Variants in CCDC18 observed in about 807,000 individuals in gnomAD.
CCDC18 encodes the protein coiled-coil domain containing 18, also known as coiled-coil domain-containing protein 18.
Under a neutral mutation model 196.0 loss-of-function variants are expected in CCDC18, and 157 were observed. The observed-to-expected ratio is 0.80, with a 90% CI of 0.70 to 0.91. The LOEUF (loss-of-function observed/expected upper bound fraction) is 0.91, where lower values mean the gene tolerates loss of function less well. Ranked by LOEUF, CCDC18 falls within the 40% of genes least tolerant of loss-of-function variation. The pLI is 0.00. For synonymous variants in CCDC18, 482 were observed against 529.2 expected (o/e 0.91, Z 1.22); for missense variants, 1,465 against 1,611.6 (o/e 0.91, Z 1.56).
At chr1:93,236,433 C>A in intron 19 of CCDC18, 43 bp downstream of exon 19, 1 of 1,549,016 alleles carries the variant, frequency 6.5e-7, no homozygotes. Flanking sequence ...ACTTCAATAT[C>A]AGTGGTATCT....
upstream of CCDC18, chr1:93,180,071 G>A: frequency 6.2e-7 from 1 of 1,613,254 alleles, no homozygotes. Flanking sequence ...TCGATCTCCA[G>A]CGAGGCCTTC....
intron 4 of CCDC18, among the ~76,000 whole-genome samples, chr1:93,187,552 A>G (rs1650934518): frequency 6.6e-6 from 1 of 152,096 alleles, no homozygotes. Context: ...TGAGGCTTTC[A>G]CTATTTACTT....
rs143993656 is a variant in CCDC18 at position 93,209,954 on chromosome 1, G to A, written c.1210-848G>A. ...CGCATGCCTGTGGTCCTAGCTACTC[G>A]AGAAGCTGAGGTAGGAGGATTGCTT... On this transcript the variant is annotated intron_variant, in intron 9 of 28. Transcript: ENST00000690025. 1.3e-4 allele frequency among the ~76,000 whole-genome samples: 20 copies of A among 152,212 alleles called. No individual in the cohort carries two copies. The East Asian group carries it at 2.1e-3, about 16-fold the overall frequency.
Position 93,239,703 on chromosome 1 carries a change from C to A in CCDC18, c.2788C>A (p.Gln930Lys). 1 of 1,611,834 alleles carries A rather than the reference C, an allele frequency of 6.2e-7. No homozygotes were observed. The highest frequency in any genetic ancestry group is 8.5e-7 in the Non-Finnish European group (1 of 1,178,620). The change falls in exon 21 of 29, where the codon CAG (glutamine) becomes AAG (lysine). Residue 930 changes from glutamine (Q) to lysine (K), a missense_variant. Coordinates refer to ENST00000690025, the MANE Select transcript of CCDC18 (RefSeq NM_001378204.1). ...AATAGTAAAGGAGTTAGAAAAGTTA[C>A]AGCACAGTACTGAAACTGAACTAAC... ...TNAVKELEKL[Q>K]HSTETELTEA... is the part of the protein sequence containing the mutation.
Position 93,197,185 on chromosome 1 carries a change from G to A in CCDC18, c.698+3441G>A, listed in dbSNP as rs566159860. Among the ~76,000 whole-genome samples the A allele has an allele frequency of 3.3e-5, 5 of 152,116 alleles. No individual in the cohort carries two copies. In the South Asian group the frequency reaches 6.2e-4, roughly 19 times the overall value. On this transcript the variant is annotated intron_variant, in intron 6 of 28. Coordinates refer to ENST00000690025, the MANE Select transcript of CCDC18 (RefSeq NM_001378204.1). ...AGAAGTAAGGAAATAATAAAGATAA[G>A]GATGAAATGGATGAATAGAAAACAG...
intron 17 of CCDC18, among the ~76,000 whole-genome samples, chr1:93,226,831 G>A (rs1304984162): frequency 6.6e-6 from 1 of 151,992 alleles, no homozygotes. Context: ...ACTGTGCCTG[G>A]CCAAAATAAT....
chr1:93,235,965 C>A (rs1259916880), intron 18 of CCDC18, among the ~76,000 whole-genome samples: 4 of 152,006 alleles, frequency 2.6e-5, no homozygotes, highest in Non-Finnish European at 4.4e-5. Context: ...GAAGAAAGGG[C>A]ATTTCAAATG....
chr1:93,192,908 A>AT (rs1408458529), intron 5 of CCDC18, among the ~76,000 whole-genome samples: 4 of 152,220 alleles, frequency 2.6e-5, no homozygotes, highest in African/African-American at 9.6e-5. Flanking sequence ...TATCTCTGGC[A>AT]TACTGAACCA....
intron 27 of CCDC18, among the ~76,000 whole-genome samples, chr1:93,265,347 T>G (rs1381803765): frequency 6.6e-6 from 1 of 152,208 alleles, no homozygotes; most frequent in African/African-American, 2.4e-5. Flanking sequence ...ATATTATGGC[T>G]CACTACAATT....
Position 93,205,609 on chromosome 1 carries a change from G to A in CCDC18, c.895G>A (p.Glu299Lys). Reference protein sequence around the residue: ...ERCGLYKSELEILKEKLRQLK... With the variant: ...ERCGLYKSELKILKEKLRQLK... ...GTGTGGTCTATATAAAAGTGAACTT[G>A]AAATTCTGAAAGAGAAATTAAGGTA... Residue 299 changes from glutamate (E) to lysine (K), a missense_variant, in exon 8 of 29, where the codon GAA (glutamate) becomes AAA (lysine). Physicochemically the swap from Glu to Lys is moderately conservative, Grantham distance 56. Coordinates refer to ENST00000690025, the MANE Select transcript of CCDC18 (RefSeq NM_001378204.1). 3 of 1,592,386 alleles carry A rather than the reference G, an allele frequency of 1.9e-6. No homozygotes were observed. The South Asian group carries it at 3.4e-5, about 18-fold the overall frequency.
intron 7 of CCDC18, among the ~76,000 whole-genome samples, chr1:93,202,966 G>A (rs1157181108): frequency 1.3e-5 from 2 of 152,204 alleles, no homozygotes; most frequent in Non-Finnish European, 2.9e-5. Context: ...GAGCTGCTAG[G>A]CTATCTCAAA....
rs769532813 is a variant in CCDC18 at position 93,207,092 on chromosome 1, CTCTTT to C, written c.918-10_918-6del. The C allele has an allele frequency of 1.5e-5, 20 of 1,312,118 alleles. No individual in the cohort carries two copies. In the East Asian group the frequency reaches 4.1e-4, roughly 27 times the overall value. The allele number at this position is 1,312,118 out of a possible 1,614,324, so 81.3% of individuals were successfully genotyped here. A position where few individuals can be genotyped will look rare whatever the true frequency, so the allele number is the denominator to read the frequency against. On this transcript the variant is annotated splice_polypyrimidine_tract_variant and intron_variant, in intron 8 of 28. Transcript: ENST00000690025. Reference sequence around the variant, plus strand: ...TATATATTTTATTTTCATTTTTATTCTCTTTTCTTCATAGGCAGTTAAAAGAAGAA... The same window carrying C: ...TATATATTTTATTTTCATTTTTATTCTCTTCATAGGCAGTTAAAAGAAGAA...
chr1:93,245,324 T>C (rs1161567512), intron 21 of CCDC18, among the ~76,000 whole-genome samples: 2 of 152,210 alleles, frequency 1.3e-5, no homozygotes, highest in African/African-American at 4.8e-5. Flanking sequence ...CCTTGTGTTA[T>C]ATACCTCTTG....
In CCDC18 at chr1:93,236,263, C is replaced by A. The variant is rs745352316; in HGVS notation, c.2476C>A (p.Gln826Lys). 1.9e-6 allele frequency: 3 copies of A among 1,572,602 alleles called. No individual in the cohort carries two copies. In the South Asian group the frequency reaches 3.6e-5, roughly 19 times the overall value. Residue 826 changes from glutamine to lysine, a missense_variant, in exon 19 of 29, where the codon CAA becomes AAA. Gln to Lys is a moderately conservative substitution (Grantham distance 53). Coordinates refer to ENST00000690025, the MANE Select transcript of CCDC18 (RefSeq NM_001378204.1). ...GCTTTACAAGGTGTCAAAACTGGAA[C>A]AAGAACTTCAAAAACAAAGGGAAAG... is the stretch of plus-strand genomic sequence containing the variant. ...KLEKQVSKLE[Q>K]ELQKQRESSA...
chr1:93,192,980 T>C (rs1652082889), intron 5 of CCDC18, among the ~76,000 whole-genome samples: 1 of 152,218 alleles, frequency 6.6e-6, no homozygotes, highest in South Asian at 2.1e-4. Flanking sequence ...TTGTCTTTTA[T>C]GTCCATCAGA....
chr1:93,223,799 A>G (rs1657823513), intron 16 of CCDC18, among the ~76,000 whole-genome samples: 1 of 152,098 alleles, frequency 6.6e-6, no homozygotes, highest in Admixed American at 6.6e-5. Context: ...TTGAAGATGC[A>G]TAGCCTAGGG....
At chr1:93,266,337 AG>A (rs1405281278) in intron 27 of CCDC18, among the ~76,000 whole-genome samples, 1 of 152,232 alleles carries the variant, frequency 6.6e-6, no homozygotes, top group East Asian at 1.9e-4. Context: ...CACAAGAGAA[AG>A]CAGGAAAGAT....
In CCDC18 at chr1:93,190,395, G is replaced by A. The variant is rs191013304; in HGVS notation, c.463-1605G>A. Among the ~76,000 whole-genome samples the A allele has an allele frequency of 9.2e-4, 140 of 152,336 alleles. 4 individuals carry two copies. The highest frequency in any genetic ancestry group is 8.4e-3 in the Admixed American group (128 of 15,310). ...CCCAACTACTCGGGAGGCTGAGGCAGGAGAATTGCTTGAACCCAGAGGCGG... is the reference window on the plus strand; with the variant it reads ...CCCAACTACTCGGGAGGCTGAGGCAAGAGAATTGCTTGAACCCAGAGGCGG... On this transcript the variant is annotated intron_variant, in intron 4 of 28. Coordinates refer to ENST00000690025, the MANE Select transcript of CCDC18 (RefSeq NM_001378204.1).
intron 25 of CCDC18, among the ~76,000 whole-genome samples, chr1:93,257,231 CAAAAAAAAAAAA>C (rs71586787): frequency 2.6e-4 from 12 of 46,520 alleles, no homozygotes; most frequent in Admixed American, 1.3e-3. Flanking sequence ...GACTCCATCT[CAAAAAAAAAAAA>C]AAAAAAAAAA....
Sources: gnomAD v4.1 joint callset for allele counts (sites outside exome capture counted in the v4.1 genomes callset) on GRCh38, gnomAD v4.1.1 for gene constraint, MANE v1.5 for transcripts, NCBI Gene and HGNC (gene_info 2026-07-23, HGNC 2026-07-21) for gene names.